The following SRPK2 variants were observed in gnomAD, a reference collection of about 807,000 sequenced individuals.
SRPK2 encodes the protein SFRS protein kinase 2.
A neutral mutation model predicts 90.8 loss-of-function variants in SRPK2; 21 were observed. The ratio of observed to expected loss-of-function variants is 0.23; its 90% CI spans 0.16 to 0.33. The LOEUF is 0.33. Among genes scored for constraint, SRPK2 ranks in the 10% least tolerant of loss-of-function variants. SRPK2 has a pLI of 1.00. For synonymous variants in SRPK2, 288 were observed against 311.1 expected (o/e 0.93, Z 0.78); for missense variants, 620 against 869.0 (o/e 0.71, Z 3.60).
intron 2 of SRPK2, among the ~76,000 whole-genome samples, chr7:105,332,264 T>C (rs889954645): frequency 6.6e-6 from 1 of 152,106 alleles, no homozygotes; most frequent in African/African-American, 2.4e-5. Context: ...AACAAGTACA[T>C]ATATACAATC....
chr7:105,362,228 G>A (rs1276668669), intron 2 of SRPK2, among the ~76,000 whole-genome samples: 1 of 152,138 alleles, frequency 6.6e-6, no homozygotes, highest in East Asian at 1.9e-4. Flanking sequence ...ATGAAAAAAT[G>A]TTCATCATCA....
chr7:105,164,519 G>C (rs192728718), intron 6 of SRPK2, among the ~76,000 whole-genome samples: 142 of 152,326 alleles, frequency 9.3e-4, no homozygotes, highest in South Asian at 1.5e-3. Context: ...AGATTTCACT[G>C]ACATGGTTAA....
At chr7:105,386,604 C>T (rs886210273) in intron 2 of SRPK2, among the ~76,000 whole-genome samples, 9 of 152,008 alleles carry the variant, frequency 5.9e-5, no homozygotes, top group Non-Finnish European at 1.2e-4. Context: ...GTAATCCCAG[C>T]TACTCAGGAG....
intron 13 of SRPK2, among the ~76,000 whole-genome samples, chr7:105,131,584 T>C (rs1802010547): frequency 6.6e-6 from 1 of 152,194 alleles, no homozygotes; most frequent in Admixed American, 6.5e-5. Context: ...ACTCAGATCA[T>C]GCTGAGTCAA....
chr7:105,283,098 C>T (rs1807559873), intron 2 of SRPK2, among the ~76,000 whole-genome samples: 1 of 152,168 alleles, frequency 6.6e-6, no homozygotes, highest in Non-Finnish European at 1.5e-5. Context: ...CAGTGAAATA[C>T]CACTTCACAA....
At chr7:105,216,692 C>T (rs1456297044) in intron 2 of SRPK2, among the ~76,000 whole-genome samples, 1 of 151,786 alleles carries the variant, frequency 6.6e-6, no homozygotes, top group African/African-American at 2.4e-5. Context: ...AGAGACACCA[C>T]CACAACAACA....
At chr7:105,288,674 C>T (rs556872276) in intron 2 of SRPK2, among the ~76,000 whole-genome samples, 3 of 152,102 alleles carry the variant, frequency 2.0e-5, no homozygotes, top group East Asian at 3.9e-4. Flanking sequence ...GTTTCTACTG[C>T]GAAATGGGTG....
intron 2 of SRPK2, among the ~76,000 whole-genome samples, chr7:105,388,145 C>G (rs996478567): frequency 1.3e-5 from 2 of 152,116 alleles, no homozygotes; most frequent in Non-Finnish European, 2.9e-5. Context: ...GGCCGACAGG[C>G]GGGGGCCGGG....
intron 1 of SRPK2, among the ~76,000 whole-genome samples, chr7:105,396,017 G>T (rs1262370867): frequency 1.3e-5 from 2 of 151,992 alleles, no homozygotes; most frequent in African/African-American, 4.8e-5. Context: ...CCAGGTTCAA[G>T]CGATTCTCCT....
At chr7:105,380,947 T>TAAAAAAAAAA (rs869039181) in intron 2 of SRPK2, among the ~76,000 whole-genome samples, 1 of 104,144 alleles carries the variant, frequency 9.6e-6, no homozygotes, top group Non-Finnish European at 1.9e-5. Flanking sequence ...TTTATTACTT[T>TAAAAAAAAAA]AAAAAAAAAA....
chr7:105,258,241 GC>G (rs1803631343), intron 2 of SRPK2, among the ~76,000 whole-genome samples: 1 of 148,518 alleles, frequency 6.7e-6, no homozygotes, highest in Non-Finnish European at 1.5e-5. Flanking sequence ...ATATGATGAA[GC>G]CCCATCTCTA....
intron 2 of SRPK2, among the ~76,000 whole-genome samples, chr7:105,287,238 G>A (rs1167745703): frequency 3.2e-5 from 4 of 126,746 alleles, no homozygotes; most frequent in African/African-American, 1.2e-4. Context: ...TCCAGCCTGG[G>A]CGACAGAGCG....
At chr7:105,380,512 C>A (rs1820814456) in intron 2 of SRPK2, among the ~76,000 whole-genome samples, 3 of 144,052 alleles carry the variant, frequency 2.1e-5, no homozygotes, top group Admixed American at 7.6e-5. Context: ...CCTAAATTAA[C>A]ATGCTAAAAT....
intron 3 of SRPK2, among the ~76,000 whole-genome samples, chr7:105,175,402 A>C (rs1284439349): frequency 6.6e-6 from 1 of 152,184 alleles, no homozygotes; most frequent in Non-Finnish European, 1.5e-5. Context: ...AATTTATAGC[A>C]CTAAATGCCT....
intron 10 of SRPK2, 100 bp from the exon 11 acceptor site, chr7:105,142,590 T>C: frequency 2.1e-6 from 3 of 1,457,550 alleles, no homozygotes; most frequent in Non-Finnish European, 2.7e-6. Context: ...TTGAATATGC[T>C]TATGTACCAC....
chr7:105,392,527 T>A (rs947247426), upstream of SRPK2, among the ~76,000 whole-genome samples: 1 of 152,172 alleles, frequency 6.6e-6, no homozygotes, highest in African/African-American at 2.4e-5. Context: ...ATCCTATCAT[T>A]TTTGAGATGG....
At chr7:105,287,843 T>G (rs1184979792) in intron 2 of SRPK2, among the ~76,000 whole-genome samples, 7 of 152,226 alleles carry the variant, frequency 4.6e-5, no homozygotes, top group African/African-American at 1.7e-4. Context: ...TGCACTTTAA[T>G]TTTTTACAGA....
chr7:105,365,766 G>A (rs893814918), intron 2 of SRPK2, among the ~76,000 whole-genome samples: 1 of 151,438 alleles, frequency 6.6e-6, no homozygotes, highest in African/African-American at 2.4e-5. Flanking sequence ...ACTTCACTCC[G>A]GCCTGGGAGA....
At chr7:105,322,290 G>A (rs1054897624) in intron 2 of SRPK2, among the ~76,000 whole-genome samples, 1 of 152,160 alleles carries the variant, frequency 6.6e-6, no homozygotes, top group Admixed American at 6.6e-5. Flanking sequence ...AGGGGCATGT[G>A]CCTGGGGTCC....
Sources: gnomAD v4.1 joint callset for allele counts (sites outside exome capture counted in the v4.1 genomes callset) on GRCh38, gnomAD v4.1.1 for gene constraint, MANE v1.5 for transcripts, NCBI Gene and HGNC (gene_info 2026-07-23, HGNC 2026-07-21) for gene names.